BAIAP2L1: variants seen among roughly 807,000 people sequenced by gnomAD.
BAIAP2L1 encodes BAR/IMD domain-containing adapter protein 2-like 1.
BAIAP2L1 carries 35 observed loss-of-function variants against 66.3 expected under a neutral mutation model. That is an observed-to-expected ratio of 0.53 (90% CI 0.40 to 0.70). BAIAP2L1 has a LOEUF of 0.70. Among genes scored for constraint, BAIAP2L1 ranks in the 30% least tolerant of loss-of-function variants. The pLI is 0.00. For missense variants in BAIAP2L1, 622 were observed against 656.9 expected, an observed-to-expected ratio of 0.95 and a Z score of 0.58; for synonymous variants, 269 against 248.7, an observed-to-expected ratio of 1.08 and a Z score of -0.77.
chr7:98,305,902 T>C (rs568704292), intron 11 of BAIAP2L1, among the ~76,000 whole-genome samples: 1 of 152,110 alleles, frequency 6.6e-6, no homozygotes, highest in Non-Finnish European at 1.5e-5. Context: ...CATCAGTGTA[T>C]TTCAAGCCAT....
chr7:98,390,223 G>C (rs897087630), intron 1 of BAIAP2L1, among the ~76,000 whole-genome samples: 2 of 151,768 alleles, frequency 1.3e-5, no homozygotes, highest in Non-Finnish European at 1.5e-5. Context: ...TCTCGGGTTA[G>C]TAAATGTTAA....
chr7:98,294,135 A>G, intron 12 of BAIAP2L1, 24 bp from the exon 13 acceptor site: 1 of 1,612,542 alleles, frequency 6.2e-7, no homozygotes, highest in Admixed American at 1.7e-5. Context: ...AAAGAAGTTT[A>G]TGGAGGGCTT....
chr7:98,371,841 CT>C (rs1466329959), intron 1 of BAIAP2L1, among the ~76,000 whole-genome samples: 1 of 151,014 alleles, frequency 6.6e-6, no homozygotes, highest in Non-Finnish European at 1.5e-5. Flanking sequence ...GTCACCCAGG[CT>C]GTAGTGCAGT....
At chr7:98,346,578 A>T (rs1801876644) in intron 3 of BAIAP2L1, among the ~76,000 whole-genome samples, 1 of 152,284 alleles carries the variant, frequency 6.6e-6, no homozygotes, top group Middle Eastern at 3.4e-3. Flanking sequence ...TCAAATAAAC[A>T]CAAAGCTAGA....
chr7:98,352,838 A>G (rs951884536), intron 3 of BAIAP2L1, among the ~76,000 whole-genome samples: 7 of 152,168 alleles, frequency 4.6e-5, no homozygotes, highest in African/African-American at 1.7e-4. Context: ...CAGAAGTCTT[A>G]TTTAAACAGT....
rs1266467054 is a variant in BAIAP2L1, at chr7:98,315,513, G to C, written c.586C>G (p.Leu196Val). The change falls in exon 7 of 14, where the codon CTG becomes GTG. Residue 196 changes from leucine (L) to valine (V), a missense_variant. Coordinates refer to ENST00000005260, the MANE Select transcript of BAIAP2L1 (RefSeq NM_018842.5). ...LLEEKRRFCF[L>V]VDKHCGFANH... ...GCAAAGCCACAGTGCTTATCAACCA[G>C]AAAGCAGAAGCGCCTCTTCTCTTCA... 76 of 1,520,700 alleles carry C rather than the reference G, an allele frequency of 5.0e-5. No homozygotes were observed. Among genetic ancestry groups the C allele is most frequent in the Non-Finnish European group, 6.6e-5 (75 of 1,128,350 alleles). The allele number at this position is 1,520,700 out of a possible 1,614,324, so 94.2% of individuals were successfully genotyped here. A position where few individuals can be genotyped will look rare whatever the true frequency, so the allele number is the denominator to read the frequency against.
At chr7:98,315,380 G>C in intron 7 of BAIAP2L1, 80 bp downstream of exon 7, 4 of 1,276,964 alleles carry the variant, frequency 3.1e-6, no homozygotes, top group Non-Finnish European at 4.0e-6. Context: ...ACAGGCGTGG[G>C]CCACGGCCCA....
At chr7:98,305,856 T>C (rs1800637000) in intron 11 of BAIAP2L1, among the ~76,000 whole-genome samples, 1 of 152,154 alleles carries the variant, frequency 6.6e-6, no homozygotes, top group Admixed American at 6.5e-5. Context: ...GAATACGGAT[T>C]TGGGGGTTTT....
chr7:98,399,500 T>C (rs1348279626), intron 1 of BAIAP2L1, among the ~76,000 whole-genome samples: 1 of 152,220 alleles, frequency 6.6e-6, no homozygotes, highest in African/African-American at 2.4e-5. Context: ...CTAAACTTCC[T>C]GATTCAAGCA....
chr7:98,327,450 G>A (rs922981369), intron 3 of BAIAP2L1, among the ~76,000 whole-genome samples: 1 of 152,140 alleles, frequency 6.6e-6, no homozygotes, highest in Non-Finnish European at 1.5e-5. Flanking sequence ...AAGGCAGGCG[G>A]ATCACCTGAA....
At chr7:98,356,796 A>C (rs1802130404) in intron 2 of BAIAP2L1, among the ~76,000 whole-genome samples, 1 of 148,606 alleles carries the variant, frequency 6.7e-6, no homozygotes, top group African/African-American at 2.5e-5. Flanking sequence ...GGGCAACATA[A>C]GGAGACCCCC....
At chr7:98,313,178 G>A (rs1800937756) in intron 7 of BAIAP2L1, among the ~76,000 whole-genome samples, 2 of 147,406 alleles carry the variant, frequency 1.4e-5, no homozygotes, top group South Asian at 4.3e-4. Context: ...ACACTCTGCA[G>A]CACCGTGGAC....
intron 3 of BAIAP2L1, among the ~76,000 whole-genome samples, chr7:98,326,803 T>G (rs971639538): frequency 6.6e-6 from 1 of 152,004 alleles, no homozygotes; most frequent in Non-Finnish European, 1.5e-5. Flanking sequence ...AGGGCACAAG[T>G]GTTGACAAGG....
At chr7:98,399,615 C>G (rs1250278743) in intron 1 of BAIAP2L1, among the ~76,000 whole-genome samples, 1 of 152,186 alleles carries the variant, frequency 6.6e-6, no homozygotes, top group Non-Finnish European at 1.5e-5. Context: ...GTTAAAGTTT[C>G]AAGGGTTCGA....
At chr7:98,361,663 T>C (rs192592785) in intron 2 of BAIAP2L1, among the ~76,000 whole-genome samples, 30 of 152,300 alleles carry the variant, frequency 2.0e-4, no homozygotes, top group Admixed American at 1.6e-3. Context: ...AAATGAAGCA[T>C]ATATTTTGAA....
chr7:98,388,305 C>A (rs1471818269), intron 1 of BAIAP2L1, among the ~76,000 whole-genome samples: 4 of 152,198 alleles, frequency 2.6e-5, no homozygotes, highest in African/African-American at 7.2e-5. Context: ...AAAGGATGCA[C>A]TGGTTAGCTG....
chr7:98,307,707 T>G lies in BAIAP2L1; in HGVS notation c.1145A>C (p.Glu382Ala). 6.2e-7 allele frequency: 1 copy of G among 1,614,130 alleles called. No individual in the cohort carries two copies. Among genetic ancestry groups the G allele is most frequent in the Non-Finnish European group, 8.5e-7 (1 of 1,180,036 alleles). ...GACTTACGCCTTGGACACGTCGTGT[T>G]CTCCATAGAGCCAGCCATCCTTCTC... ...PEEKDGWLYG[E>A]HDVSKARGWF... Residue 382 changes from glutamate to alanine, a missense_variant, in exon 10 of 14, where the codon GAA (glutamate) becomes GCA (alanine). By Grantham distance (107) the Glu-to-Ala change is moderately radical. Coordinates refer to ENST00000005260, the MANE Select transcript of BAIAP2L1 (RefSeq NM_018842.5).
At chr7:98,351,805 A>G (rs1408137765) in intron 3 of BAIAP2L1, among the ~76,000 whole-genome samples, 1 of 152,192 alleles carries the variant, frequency 6.6e-6, no homozygotes, top group Non-Finnish European at 1.5e-5. Context: ...TTCACACAGC[A>G]GTGAGTGAGC....
chr7:98,373,272 T>C (rs888726899), intron 1 of BAIAP2L1, among the ~76,000 whole-genome samples: 1 of 152,274 alleles, frequency 6.6e-6, no homozygotes, highest in African/African-American at 2.4e-5. Context: ...ACAGAAAAAT[T>C]AGACAACTGA....
Sources: gnomAD v4.1 joint callset for allele counts (sites outside exome capture counted in the v4.1 genomes callset) on GRCh38, gnomAD v4.1.1 for gene constraint, MANE v1.5 for transcripts, NCBI Gene and HGNC (gene_info 2026-07-23, HGNC 2026-07-21) for gene names.